AUTS2: variants seen among roughly 807,000 people sequenced by gnomAD.
The protein encoded by AUTS2 is autism susceptibility gene 2 protein.
Under a neutral mutation model 112.4 loss-of-function variants are expected in AUTS2, and 17 were observed. That is an observed-to-expected ratio of 0.15 (90% CI 0.10 to 0.23). The LOEUF is 0.23. Among genes scored for constraint, AUTS2 ranks in the 10% least tolerant of loss-of-function variants. The pLI is 1.00. For synonymous variants in AUTS2, 751 were observed against 702.7 expected (o/e 1.07, Z -1.09); for missense variants, 1,510 against 1,701.6 (o/e 0.89, Z 1.98).
chr7:70,599,765 C>T (rs777014755), intron 5 of AUTS2, among the ~76,000 whole-genome samples: 1 of 152,134 alleles, frequency 6.6e-6, no homozygotes, highest in Non-Finnish European at 1.5e-5. Context: ...ACTCACAACA[C>T]GGGAAGCTAC....
chr7:70,313,572 T>C (rs779902252), intron 4 of AUTS2, among the ~76,000 whole-genome samples: 6 of 152,176 alleles, frequency 3.9e-5, no homozygotes, highest in Non-Finnish European at 5.9e-5. Context: ...ATTGGCACAA[T>C]AGCCTTTCCA....
At chr7:70,656,255 A>G (rs1048195408) in intron 5 of AUTS2, among the ~76,000 whole-genome samples, 1 of 152,074 alleles carries the variant, frequency 6.6e-6, no homozygotes, top group Admixed American at 6.6e-5. Flanking sequence ...ACAGAAATAC[A>G]TGATTGGTAT....
intron 4 of AUTS2, among the ~76,000 whole-genome samples, chr7:70,267,222 T>C (rs1787472141): frequency 6.6e-6 from 1 of 152,208 alleles, no homozygotes; most frequent in South Asian, 2.1e-4. Flanking sequence ...TATCGCTGTT[T>C]AGTGCATGGA....
intron 4 of AUTS2, among the ~76,000 whole-genome samples, chr7:70,212,262 G>A (rs1810946061): frequency 6.6e-6 from 1 of 152,198 alleles, no homozygotes; most frequent in African/African-American, 2.4e-5. Context: ...CTCTTCTGTT[G>A]TTTTCCCTAG....
At chr7:70,773,172 C>A (rs1017844092) in intron 11 of AUTS2, among the ~76,000 whole-genome samples, 1 of 151,988 alleles carries the variant, frequency 6.6e-6, no homozygotes, top group South Asian at 2.1e-4. Flanking sequence ...TCATTCTTTT[C>A]CCCCCCTTCT....
chr7:70,684,927 T>C (rs1034428308), intron 5 of AUTS2, among the ~76,000 whole-genome samples: 5 of 152,204 alleles, frequency 3.3e-5, no homozygotes, highest in African/African-American at 1.2e-4. Flanking sequence ...TAGGGCATTT[T>C]TGGCAGCGTC....
At chr7:70,151,222 T>A (rs1242664213) in intron 4 of AUTS2, among the ~76,000 whole-genome samples, 1 of 152,280 alleles carries the variant, frequency 6.6e-6, no homozygotes, top group East Asian at 1.9e-4. Flanking sequence ...CTTTCCGTTA[T>A]TCATTAGAGA....
At chr7:70,469,587 G>A (rs974992642) in intron 5 of AUTS2, among the ~76,000 whole-genome samples, 1 of 152,140 alleles carries the variant, frequency 6.6e-6, no homozygotes, top group African/African-American at 2.4e-5. Context: ...GCCACTGGAA[G>A]CTTTTTTGAT....
chr7:69,929,520 G>C (rs73429445), intron 2 of AUTS2, among the ~76,000 whole-genome samples: 1,547 of 151,492 alleles, frequency 0.01, 38 homozygotes, highest in African/African-American at 0.035. Context: ...ACTCTTCCTA[G>C]AGTTTCCTGT....
chr7:70,245,054 A>T (rs1812825064), intron 4 of AUTS2, among the ~76,000 whole-genome samples: 1 of 148,898 alleles, frequency 6.7e-6, no homozygotes, highest in African/African-American at 2.5e-5. Context: ...CAGGAGATGA[A>T]GGTTGCAGTG....
At chr7:69,920,002 A>G (rs926781937) in intron 2 of AUTS2, among the ~76,000 whole-genome samples, 1 of 141,030 alleles carries the variant, frequency 7.1e-6, no homozygotes, top group African/African-American at 2.7e-5. Context: ...GGTCTTATGT[A>G]TACAATTTTT....
chr7:69,910,263 G>T (rs1335283203), intron 2 of AUTS2, among the ~76,000 whole-genome samples: 1 of 152,176 alleles, frequency 6.6e-6, no homozygotes, highest in Non-Finnish European at 1.5e-5. Context: ...CTGTGGCAGG[G>T]GTACCTTCTC....
chr7:70,233,286 C>G (rs894690045), intron 4 of AUTS2, among the ~76,000 whole-genome samples: 1 of 151,952 alleles, frequency 6.6e-6, no homozygotes, highest in Admixed American at 6.6e-5. Flanking sequence ...ACATACACCT[C>G]GCAGGCTCTC....
In AUTS2 at chr7:70,764,880, T is replaced by G; in HGVS notation, c.1343T>G (p.Leu448Arg). 3.6e-6 allele frequency: 2 copies of G among 552,152 alleles called. No individual in the cohort carries two copies. Among genetic ancestry groups the G allele is most frequent in the Non-Finnish European group, 5.0e-6 (2 of 397,584 alleles). The allele number at this position is 552,152 out of a possible 1,614,324, so 34.2% of individuals were successfully genotyped here. A position where few individuals can be genotyped will look rare whatever the true frequency, so the allele number is the denominator to read the frequency against. The change falls in exon 8 of 19, where the codon CTC becomes CGC. Residue 448 changes from leucine (L) to arginine (R), a missense_variant. Coordinates refer to ENST00000342771, the MANE Select transcript of AUTS2 (RefSeq NM_015570.4). ...CCCCTGCACAGCTTCACACCCACCC[T>G]CCAGCCCCCCGCACACTCACATCAC... ...HSPLHSFTPT[L>R]QPPAHSHHPN...
intron 6 of AUTS2, among the ~76,000 whole-genome samples, chr7:70,740,425 G>A (rs960146241): frequency 6.6e-6 from 1 of 152,146 alleles, no homozygotes; most frequent in Non-Finnish European, 1.5e-5. Flanking sequence ...AGAGGACTTA[G>A]TGATGCCTTT....
At chr7:70,521,786 C>T (rs553406048) in intron 5 of AUTS2, among the ~76,000 whole-genome samples, 1 of 152,180 alleles carries the variant, frequency 6.6e-6, no homozygotes, top group African/African-American at 2.4e-5. Context: ...TTTAGTTTAC[C>T]ATTCTCCCTC....
chr7:69,693,375 C>T (rs772651622), intron 1 of AUTS2, among the ~76,000 whole-genome samples: 51 of 152,174 alleles, frequency 3.4e-4, no homozygotes, highest in Non-Finnish European at 6.9e-4. Flanking sequence ...TAACTCATGC[C>T]ATGACAAGTT....
rs10618080 is a variant in AUTS2, at chr7:70,197,261, CCACACA to C, written c.660+62710_660+62715del. Among the ~76,000 whole-genome samples, 456 of 149,220 alleles carry C rather than the reference CCACACA, an allele frequency of 3.1e-3. 1 individual carries two copies. The highest frequency in any genetic ancestry group is 0.011 in the African/African-American group (437 of 40,782). ...CTAAATAGTTGCCAAAATTCTTAGT[CCACACA>C]CACACACACACACACACACCCATTT... On this transcript the variant is annotated intron_variant, in intron 4 of 18. Coordinates refer to ENST00000342771, the MANE Select transcript of AUTS2 (RefSeq NM_015570.4).
intron 2 of AUTS2, among the ~76,000 whole-genome samples, chr7:70,077,686 C>T (rs1031319428): frequency 1.3e-5 from 2 of 152,208 alleles, no homozygotes; most frequent in African/African-American, 2.4e-5. Context: ...TGGAACGGCT[C>T]TCTGCCTTTG....
Sources: allele counts gnomAD v4.1 joint callset (sites outside exome capture counted in the v4.1 genomes callset), GRCh38; gene constraint gnomAD v4.1.1; transcripts MANE v1.5; gene names NCBI Gene and HGNC (gene_info 2026-07-23, HGNC 2026-07-21).